Variants in LRPAP1 observed in about 807,000 individuals in gnomAD.
LRPAP1 encodes LDL receptor related protein associated protein 1.
A neutral mutation model predicts 39.9 loss-of-function variants in LRPAP1; 41 were observed. The ratio of observed to expected loss-of-function variants is 1.03; its 90% CI spans 0.80 to 1.33. The LOEUF (loss-of-function observed/expected upper bound fraction) is 1.33. LRPAP1 is among the 40% of genes most tolerant of loss of function. The pLI is 0.00. For synonymous variants in LRPAP1, 263 were observed against 212.7 expected (o/e 1.24, Z -2.06); for missense variants, 565 against 482.3 (o/e 1.17, Z -1.61).
chr4:3,520,960 C>A (rs1488703996), intron 2 of LRPAP1, among the ~76,000 whole-genome samples: 1 of 152,240 alleles, frequency 6.6e-6, no homozygotes, highest in Non-Finnish European at 1.5e-5. Context: ...TCGACGCGGG[C>A]CCTGGTGCCA....
Position 3,517,895 on chromosome 4 carries a change from T to A in LRPAP1, c.751+139A>T, listed in dbSNP as rs114391385. The A allele has an allele frequency of 9.0e-4, 973 of 1,085,882 alleles. 4 individuals carry two copies. Among genetic ancestry groups the A allele is most frequent in the East Asian group, 2.9e-3 (112 of 38,056 alleles). The allele number at this position is 1,085,882 out of a possible 1,614,324, so 67.3% of individuals were successfully genotyped here. ...AGCGAGGCCTGTGACCACCCGTGGG[T>A]AGACTGAGCGCGCCGAGGGTCTCCG... On this transcript the variant is annotated intron_variant, in intron 5 of 7. Transcript: ENST00000650182.
chr4:3,506,037 C>T lies in LRPAP1; in HGVS notation c.*6937G>A, dbSNP rs1374372167. 1.3e-5 allele frequency among the ~76,000 whole-genome samples: 2 copies of T among 152,076 alleles called. No individual in the cohort carries two copies. Among genetic ancestry groups the T allele is most frequent in the East Asian group, 3.9e-4 (2 of 5,192 alleles). ...AAGTAAAAAAAAAATCACTGCATCT[C>T]ATAATTATTGAGATATTTTTAAATT... is the stretch of plus-strand genomic sequence containing the variant. On this transcript the variant is annotated 3_prime_UTR_variant, in exon 8 of 8. Coordinates refer to ENST00000650182, the MANE Select transcript of LRPAP1 (RefSeq NM_002337.4).
chr4:3,519,999 C>T, intron 3 of LRPAP1, 73 bp downstream of exon 3: 1 of 1,564,694 alleles, frequency 6.4e-7, no homozygotes, highest in Non-Finnish European at 8.7e-7. Context: ...AGAGACTGCC[C>T]CTCACAGCCC....
chr4:3,508,683 G>C lies in LRPAP1; in HGVS notation c.*4291C>G, dbSNP rs953490901. 1 of 152,098 alleles carries C rather than the reference G, an allele frequency of 6.6e-6. No individual in the cohort carries two copies. Among genetic ancestry groups the C allele is most frequent in the Non-Finnish European group, 1.5e-5 (1 of 68,036 alleles). The allele number at this position is 152,098 out of a possible 1,614,324, so 9.4% of individuals were successfully genotyped here. A position where few individuals can be genotyped will look rare whatever the true frequency, so the allele number is the denominator to read the frequency against. On this transcript the variant is annotated 3_prime_UTR_variant, in exon 8 of 8. Transcript: ENST00000650182. The stretch of plus-strand genomic sequence containing the variant: ...TCAGCGTAATTCACTACAGTAATGC[G>C]GTAAGGAAGTGACCTCATGAGCATC...
At position 3,504,960 on chromosome 4, in the gene LRPAP1, A is replaced by G. The variant is rs201748988; in HGVS notation, c.*8014T>C. ...AGACTCCGTCTCAAGAAAAAAATAAATAACAAAGAACAGAAGACAACATGA... is the reference window on the plus strand; with the variant it reads ...AGACTCCGTCTCAAGAAAAAAATAAGTAACAAAGAACAGAAGACAACATGA... On this transcript the variant is annotated 3_prime_UTR_variant, in exon 8 of 8. Transcript: ENST00000650182. Among the ~76,000 whole-genome samples, 14 of 123,040 alleles carry G rather than the reference A, an allele frequency of 1.1e-4. No individual in the cohort carries two copies. The highest frequency in any genetic ancestry group is 1.9e-4 in the Non-Finnish European group (11 of 56,412). The allele number at this position is 123,040 out of a possible 152,430, so 80.7% of individuals were successfully genotyped here.
At chr4:3,515,009 C>G (rs768052561) in intron 6 of LRPAP1, 81 bp from the exon 7 acceptor site, 6 of 1,499,756 alleles carry the variant, frequency 4.0e-6, no homozygotes, top group Admixed American at 3.5e-5. Context: ...ACTGCAAGGA[C>G]GCCAAAGGAC....
At position 3,525,450 on chromosome 4, in the gene LRPAP1, T is replaced by C. The variant is rs74899196; in HGVS notation, c.205-399A>G. On this transcript the variant is annotated intron_variant, in intron 1 of 7. Coordinates refer to ENST00000650182, the MANE Select transcript of LRPAP1 (RefSeq NM_002337.4). ...TTGCAAGGACACAGACACCTAGAAG[T>C]TCTTTTTTAAAAAAAATCACTGTAA... 5.3e-3 allele frequency among the ~76,000 whole-genome samples: 682 copies of C among 128,338 alleles called. 5 individuals carry two copies. Among genetic ancestry groups the C allele is most frequent in the African/African-American group, 0.016 (640 of 39,032 alleles). 84.2% of individuals were successfully genotyped at this position (128,338 alleles called of 152,430 possible).
In LRPAP1 at chr4:3,514,802, G is replaced by A. The variant is rs200424526; in HGVS notation, c.961C>T (p.Arg321Cys). ...VGDGERVSRS[R>C]EKHALLEGRT... The stretch of plus-strand genomic sequence containing the variant: ...CCCTCCAGCAGGGCGTGCTTCTCGC[G>A]GCTGCGGCTCACACGCTCGCCGTCG... Residue 321 changes from arginine to cysteine, a missense_variant, in exon 7 of 8, where the codon CGC (arginine) becomes TGC (cysteine). Physicochemically the swap from Arg to Cys is radical, Grantham distance 180. Transcript: ENST00000650182. 209 of 1,612,988 alleles carry A rather than the reference G, an allele frequency of 1.3e-4. 1 individual carries two copies. The highest frequency in any genetic ancestry group is 1.6e-4 in the Middle Eastern group (1 of 6,080).
intron 1 of LRPAP1, among the ~76,000 whole-genome samples, chr4:3,531,790 T>C (rs1395067069): frequency 6.6e-6 from 1 of 152,250 alleles, no homozygotes; most frequent in Non-Finnish European, 1.5e-5. Context: ...ATTCCTTCTG[T>C]CCCTGGACAC....
At chr4:3,513,087 C>T (rs1299736257) in intron 7 of LRPAP1, 51 bp from the exon 8 acceptor site, 1 of 1,412,996 alleles carries the variant, frequency 7.1e-7, no homozygotes, top group Admixed American at 1.8e-5. Flanking sequence ...TCGAGGCCAG[C>T]TCTGTGAGCT....
rs1560247932 is a variant in LRPAP1, at chr4:3,507,454, GTAT to G, written c.*5517_*5519del. The G allele has an allele frequency of 6.8e-6, 1 of 146,116 alleles. No homozygotes were observed. The highest frequency in any genetic ancestry group is 1.5e-5 in the Non-Finnish European group (1 of 66,988). 9.1% of individuals were successfully genotyped at this position (146,116 alleles called of 1,614,324 possible). A position where few individuals can be genotyped will look rare whatever the true frequency, so the allele number is the denominator to read the frequency against. ...GCACTCTGGCCAAAGAATGTGATTT[GTAT>G]TATTTACCTACATATCATATATTTA... On this transcript the variant is annotated 3_prime_UTR_variant, in exon 8 of 8. Coordinates refer to ENST00000650182, the MANE Select transcript of LRPAP1 (RefSeq NM_002337.4).
intron 4 of LRPAP1, 36 bp downstream of exon 4, chr4:3,518,835 G>A: frequency 1.5e-6 from 2 of 1,340,124 alleles, no homozygotes; most frequent in African/African-American, 1.5e-5. Context: ...GGAGGGGGTG[G>A]GGCAGAGGGC....
chr4:3,530,068 G>A (rs1490664670), intron 1 of LRPAP1, among the ~76,000 whole-genome samples: 2 of 152,152 alleles, frequency 1.3e-5, no homozygotes, highest in African/African-American at 2.4e-5. Flanking sequence ...CTAGAGCGGC[G>A]AGTCAGGTGG....
chr4:3,514,679 G>A, intron 7 of LRPAP1, 73 bp downstream of exon 7: 1 of 1,516,406 alleles, frequency 6.6e-7, no homozygotes, highest in East Asian at 2.3e-5. Context: ...AGGAAGCCCT[G>A]AGCTGCATGT....
intron 5 of LRPAP1, 51 bp from the exon 6 acceptor site, chr4:3,516,249 C>T (rs986791718): frequency 6.9e-7 from 1 of 1,440,538 alleles, no homozygotes; most frequent in South Asian, 1.2e-5. Context: ...GTGCACACCA[C>T]AGCCAGCCCC....
At position 3,504,904 on chromosome 4, in the gene LRPAP1, A is replaced by G. The variant is rs1320613011; in HGVS notation, c.*8070T>C. 2.0e-5 allele frequency among the ~76,000 whole-genome samples: 3 copies of G among 152,086 alleles called. No homozygotes were observed. The highest frequency in any genetic ancestry group is 2.9e-5 in the Non-Finnish European group (2 of 68,008). ...AGAGGTTGCAGTGAGCCGAGATCGCACCAACGCACTCCAGCCTGGGCGACA... is the reference window on the plus strand; with the variant it reads ...AGAGGTTGCAGTGAGCCGAGATCGCGCCAACGCACTCCAGCCTGGGCGACA... On this transcript the variant is annotated 3_prime_UTR_variant, in exon 8 of 8. Transcript: ENST00000650182.
chr4:3,522,588 A>C (rs74468572), intron 2 of LRPAP1, among the ~76,000 whole-genome samples: 1 of 17,996 alleles, frequency 5.6e-5, no homozygotes. Flanking sequence ...TGCCTGGGGA[A>C]GTCGGACGCC....
At position 3,509,264 on chromosome 4, in the gene LRPAP1, G is replaced by A. The variant is rs893220404; in HGVS notation, c.*3710C>T. ...ACTGGAGTCACACACGGCAGTCAACGCGTGGACACCGGAGACTGTTGAGAC... is the reference window on the plus strand; with the variant it reads ...ACTGGAGTCACACACGGCAGTCAACACGTGGACACCGGAGACTGTTGAGAC... On this transcript the variant is annotated 3_prime_UTR_variant, in exon 8 of 8. Coordinates refer to ENST00000650182, the MANE Select transcript of LRPAP1 (RefSeq NM_002337.4). 1.1e-4 allele frequency: 16 copies of A among 144,846 alleles called. No individual in the cohort carries two copies. Among genetic ancestry groups the A allele is most frequent in the African/African-American group, 3.4e-4 (13 of 38,738 alleles). 9.0% of individuals were successfully genotyped at this position (144,846 alleles called of 1,614,324 possible).
At chr4:3,514,532 G>A (rs1182864554) in intron 7 of LRPAP1, among the ~76,000 whole-genome samples, 1 of 152,258 alleles carries the variant, frequency 6.6e-6, no homozygotes, top group African/African-American at 2.4e-5. Context: ...TCTCACCTGA[G>A]GGTCGGGGGA....
Sources: gnomAD v4.1 joint callset for allele counts (sites outside exome capture counted in the v4.1 genomes callset) on GRCh38, gnomAD v4.1.1 for gene constraint, MANE v1.5 for transcripts, NCBI Gene and HGNC (gene_info 2026-07-23, HGNC 2026-07-21) for gene names.